Variants in SPAG17 observed in about 807,000 individuals in gnomAD.
SPAG17 encodes sperm-associated antigen 17.
In SPAG17, 169 loss-of-function variants were observed where a neutral mutation model predicts 273.6. That is an observed-to-expected ratio of 0.62 (90% CI 0.55 to 0.70). SPAG17 has a LOEUF of 0.70. SPAG17 is among the 30% of genes least tolerant of loss of function. SPAG17 has a pLI of 0.00. For synonymous variants in SPAG17, 825 were observed against 873.2 expected, an observed-to-expected ratio of 0.94 and a Z score of 0.97; for missense variants, 2,557 against 2,627.8, an observed-to-expected ratio of 0.97 and a Z score of 0.59.
intron 48 of SPAG17, chr1:117,955,437 A>G (rs1428050255): frequency 6.9e-6 from 9 of 1,310,430 alleles, no homozygotes; most frequent in Non-Finnish European, 9.7e-6. Context: ...GGAAATAAAT[A>G]GAAATTATAA....
At position 118,091,963 on chromosome 1, in the gene SPAG17, C is replaced by G; in HGVS notation, c.1213G>C (p.Ala405Pro). The G allele has an allele frequency of 6.2e-7, 1 of 1,613,618 alleles. No individual in the cohort carries two copies. The change falls in exon 9 of 49, where the codon GCA (alanine) becomes CCA (proline). Residue 405 changes from alanine (A) to proline (P), a missense_variant. Physicochemically the swap from Ala to Pro is conservative, Grantham distance 27 (BLOSUM62 -1). Transcript: ENST00000336338. ...PAVPAPGKKK[A>P]QYEEPQAPPP... ...GGAGCTTGCGGTTCTTCATACTGTG[C>G]TTTCTTCTTTCCAGGAGCTGGTACA...
intron 4 of SPAG17, among the ~76,000 whole-genome samples, chr1:118,113,609 A>G (rs1282439451): frequency 6.6e-6 from 1 of 152,096 alleles, no homozygotes; most frequent in African/African-American, 2.4e-5. Flanking sequence ...AATAATGGAG[A>G]TGTCATATTA....
chr1:118,095,266 G>A (rs1202384952), intron 7 of SPAG17, among the ~76,000 whole-genome samples: 1 of 152,168 alleles, frequency 6.6e-6, no homozygotes, highest in African/African-American at 2.4e-5. Flanking sequence ...GTATACCACA[G>A]TGTTCACATC....
intron 4 of SPAG17, among the ~76,000 whole-genome samples, chr1:118,109,556 A>AAATAATAATAAT (rs10589035): frequency 2.8e-4 from 40 of 141,284 alleles, no homozygotes; most frequent in African/African-American, 8.1e-4. Flanking sequence ...CTCTGTCTCA[A>AAATAATAATAAT]AATAATAATA....
intron 46 of SPAG17, among the ~76,000 whole-genome samples, chr1:117,967,468 G>C (rs1654009191): frequency 6.6e-6 from 1 of 151,998 alleles, no homozygotes; most frequent in Non-Finnish European, 1.5e-5. Flanking sequence ...GACAGGTGAT[G>C]AGTTTAAAAA....
At chr1:118,044,910 A>G (rs1650182146) in intron 20 of SPAG17, among the ~76,000 whole-genome samples, 1 of 152,172 alleles carries the variant, frequency 6.6e-6, no homozygotes, top group Admixed American at 6.5e-5. Context: ...TGAGCCAATT[A>G]TATCTCTTTT....
At chr1:118,019,651 T>C (rs550774130) in intron 28 of SPAG17, among the ~76,000 whole-genome samples, 1 of 152,208 alleles carries the variant, frequency 6.6e-6, no homozygotes, top group East Asian at 1.9e-4. Context: ...CTTTGATAAA[T>C]GAAAAGAAAT....
At chr1:117,972,168 C>T in intron 44 of SPAG17, 121 bp from the exon 45 acceptor site, 1 of 840,132 alleles carries the variant, frequency 1.2e-6, no homozygotes, top group Non-Finnish European at 1.8e-6. Flanking sequence ...TGAATGTTTA[C>T]AGTCTCATGT....
At chr1:118,005,744 G>A in intron 31 of SPAG17, 142 bp from the exon 32 acceptor site, 1 of 565,504 alleles carries the variant, frequency 1.8e-6, no homozygotes, top group Admixed American at 4.1e-5. Context: ...AATCAAGGGA[G>A]GACTTAAGGT....
intron 4 of SPAG17, among the ~76,000 whole-genome samples, chr1:118,108,613 G>A (rs568154223): frequency 1.3e-5 from 2 of 152,134 alleles, no homozygotes; most frequent in Admixed American, 6.6e-5. Context: ...AATTTTAGGA[G>A]GGGCATATCC....
intron 45 of SPAG17, among the ~76,000 whole-genome samples, chr1:117,971,056 T>G (rs1557849199): frequency 1.3e-5 from 2 of 152,214 alleles, no homozygotes; most frequent in Non-Finnish European, 2.9e-5. Context: ...TCTATCGTTT[T>G]TTTTTTATCT....
intron 13 of SPAG17, among the ~76,000 whole-genome samples, chr1:118,082,306 G>T (rs1238507556): frequency 2.6e-5 from 4 of 152,212 alleles, no homozygotes; most frequent in Admixed American, 6.5e-5. Flanking sequence ...CACTTTAGAA[G>T]TTCCAAGGTA....
chr1:118,124,000 A>G (rs1244825675), intron 3 of SPAG17, among the ~76,000 whole-genome samples: 1 of 152,164 alleles, frequency 6.6e-6, no homozygotes, highest in Non-Finnish European at 1.5e-5. Context: ...CTATTTTAGA[A>G]ATGTTTGCTG....
chr1:118,161,884 T>TG (rs1321630330), intron 1 of SPAG17, among the ~76,000 whole-genome samples: 1 of 152,042 alleles, frequency 6.6e-6, no homozygotes, highest in African/African-American at 2.4e-5. Context: ...GAAAGAGAAC[T>TG]GGGGGGAAGG....
intron 10 of SPAG17, among the ~76,000 whole-genome samples, chr1:118,089,829 CCCA>C (rs1200716650): frequency 2.0e-5 from 3 of 152,050 alleles, no homozygotes; most frequent in Admixed American, 1.3e-4. Flanking sequence ...AACTGTAATC[CCCA>C]CGTGTCGAGG....
intron 48 of SPAG17, chr1:117,954,742 C>A: frequency 1.8e-6 from 2 of 1,104,780 alleles, no homozygotes; most frequent in Non-Finnish European, 2.6e-6. Flanking sequence ...ACTTTGTCTT[C>A]AAAAGTCTCT....
chr1:118,054,492 C>T (rs1385744326), intron 19 of SPAG17, among the ~76,000 whole-genome samples: 1 of 152,072 alleles, frequency 6.6e-6, no homozygotes, highest in Non-Finnish European at 1.5e-5. Flanking sequence ...AAGACTTATA[C>T]TTTTCCGTAC....
At chr1:117,955,446 A>C in intron 48 of SPAG17, 1 of 1,245,880 alleles carries the variant, frequency 8.0e-7, no homozygotes, top group South Asian at 1.3e-5. Flanking sequence ...TAGAAATTAT[A>C]ATTGATGGTT....
chr1:117,964,191 A>G (rs1268931681), intron 47 of SPAG17: 1 of 326,178 alleles, frequency 3.1e-6, no homozygotes, highest in Non-Finnish European at 5.7e-6. Context: ...ATAAGGAGCC[A>G]TCAGTATGGT....
Sources: gnomAD v4.1 joint callset for allele counts (sites outside exome capture counted in the v4.1 genomes callset) on GRCh38, gnomAD v4.1.1 for gene constraint, MANE v1.5 for transcripts, NCBI Gene and HGNC (gene_info 2026-07-23, HGNC 2026-07-21) for gene names.